Variants in DNAH17 observed in about 807,000 individuals in gnomAD.
DNAH17 encodes the protein axonemal beta dynein heavy chain 17.
A neutral mutation model predicts 485.6 loss-of-function variants in DNAH17; 376 were observed. That is an observed-to-expected ratio of 0.77 (90% CI 0.71 to 0.84). The LOEUF is 0.84. Ranked by LOEUF, DNAH17 falls within the 40% of genes least tolerant of loss-of-function variation. The pLI is 0.00. For missense variants in DNAH17, 6,370 were observed against 5,839.3 expected, an observed-to-expected ratio of 1.09 and a Z score of -2.96; for synonymous variants, 3,031 against 2,405.9, an observed-to-expected ratio of 1.26 and a Z score of -7.60.
intron 14 of DNAH17, among the ~76,000 whole-genome samples, chr17:78,555,729 T>TG (rs1240191846): frequency 6.6e-6 from 1 of 152,098 alleles, no homozygotes; most frequent in Non-Finnish European, 1.5e-5. Context: ...TGCGTGAGGT[T>TG]GTTTCTGGAT....
At chr17:78,497,678 G>A (rs1278299459) in intron 37 of DNAH17, among the ~76,000 whole-genome samples, 1 of 152,184 alleles carries the variant, frequency 6.6e-6, no homozygotes, top group African/African-American at 2.4e-5. Flanking sequence ...CTGGGGCTGG[G>A]GAATGACTGA....
At position 78,455,697 on chromosome 17, in the gene DNAH17, ATTTC is replaced by A. The variant is rs1310521276; in HGVS notation, c.10113_10116del (p.Lys3371AsnfsTer6). The stretch of plus-strand genomic sequence containing the variant: ...AATTTCTCCATCAGCTCATTCCGGT[ATTTC>A]TTGGTGAAGTAGCCCACGTAGGACA... On this transcript the variant is annotated frameshift_variant, in exon 63 of 81. Coordinates refer to ENST00000389840, the MANE Select transcript of DNAH17 (RefSeq NM_173628.4). LOFTEE classifies it high-confidence loss of function. The A allele has an allele frequency of 3.8e-6, 6 of 1,591,662 alleles. No homozygotes were observed. The highest frequency in any genetic ancestry group is 5.1e-6 in the Non-Finnish European group (6 of 1,169,740).
chr17:78,437,248 C>T (rs553078222), intron 74 of DNAH17, among the ~76,000 whole-genome samples: 86 of 152,188 alleles, frequency 5.7e-4, no homozygotes, highest in Non-Finnish European at 1.0e-3. Flanking sequence ...GGGCTCTGTA[C>T]TCCCAGGAAA....
chr17:78,472,640 G>T, intron 54 of DNAH17: 1 of 439,820 alleles, frequency 2.3e-6, no homozygotes, highest in Non-Finnish European at 4.6e-6. Flanking sequence ...GTGGGGTGTG[G>T]GGAGGGGAGC....
At chr17:78,472,701 G>A in intron 54 of DNAH17, 1 of 454,576 alleles carries the variant, frequency 2.2e-6, no homozygotes, top group Non-Finnish European at 4.4e-6. Context: ...GAGTCCCCGA[G>A]GTCACGCACG....
At chr17:78,468,324 C>T (rs969332052) in intron 55 of DNAH17, among the ~76,000 whole-genome samples, 2 of 152,160 alleles carry the variant, frequency 1.3e-5, no homozygotes, top group Non-Finnish European at 2.9e-5. Context: ...CCTTGAGCAT[C>T]CATCCCTCCG....
At chr17:78,566,475 G>A (rs560426474) in intron 11 of DNAH17, 139 bp downstream of exon 11, 2 of 645,200 alleles carry the variant, frequency 3.1e-6, no homozygotes, top group South Asian at 3.9e-5. Flanking sequence ...TGACTCTGAG[G>A]CACAGGAGAC....
intron 48 of DNAH17, among the ~76,000 whole-genome samples, chr17:78,484,528 C>T (rs1318257975): frequency 6.6e-6 from 1 of 151,812 alleles, no homozygotes; most frequent in Non-Finnish European, 1.5e-5. Context: ...TGTGCTTCTT[C>T]CTCTCCCGGC....
chr17:78,463,488 GTATA>G (rs201353507), intron 56 of DNAH17, among the ~76,000 whole-genome samples: 1 of 151,794 alleles, frequency 6.6e-6, no homozygotes, highest in Non-Finnish European at 1.5e-5. Flanking sequence ...TCACATACCT[GTATA>G]TATACACGTG....
At chr17:78,495,541 G>A (rs1235105408) in intron 38 of DNAH17, among the ~76,000 whole-genome samples, 6 of 151,028 alleles carry the variant, frequency 4.0e-5, no homozygotes, top group African/African-American at 9.8e-5. Flanking sequence ...AGGTTCAAGC[G>A]ATTCTCCTGC....
At chr17:78,476,213 C>T (rs908356034) in intron 52 of DNAH17, among the ~76,000 whole-genome samples, 2 of 129,290 alleles carry the variant, frequency 1.5e-5, no homozygotes, top group South Asian at 5.0e-4. Context: ...GACCCACAGC[C>T]ACGTGCCGGA....
intron 49 of DNAH17, among the ~76,000 whole-genome samples, chr17:78,480,084 C>CG (rs1452640559): frequency 7.6e-6 from 1 of 131,012 alleles, no homozygotes; most frequent in Non-Finnish European, 1.6e-5. Context: ...CACGGTGACT[C>CG]CCACCTGTAA....
At chr17:78,484,263 C>CT (rs1490440360) in intron 48 of DNAH17, among the ~76,000 whole-genome samples, 36 of 152,150 alleles carry the variant, frequency 2.4e-4, no homozygotes, top group Admixed American at 2.1e-3. Context: ...CCTGGGCACC[C>CT]TCTGCCTCTG....
chr17:78,495,202 G>C, intron 38 of DNAH17, 105 bp from the exon 39 acceptor site: 6 of 1,379,756 alleles, frequency 4.3e-6, no homozygotes, highest in Non-Finnish European at 5.8e-6. Context: ...CTGCCAGGTA[G>C]ACCACAGCAG....
intron 58 of DNAH17, among the ~76,000 whole-genome samples, chr17:78,461,246 GC>G (rs1464766334): frequency 1.1e-4 from 17 of 152,196 alleles, no homozygotes; most frequent in African/African-American, 2.4e-4. Flanking sequence ...CTGAGCTGGA[GC>G]CCGAGAGCCT....
At chr17:78,528,603 C>T (rs573364629) in intron 22 of DNAH17, among the ~76,000 whole-genome samples, 2 of 151,750 alleles carry the variant, frequency 1.3e-5, no homozygotes, top group African/African-American at 2.4e-5. Context: ...GAGGGGTGGA[C>T]GGGCTGGGAG....
chr17:78,467,247 CTG>C (rs1451601457), intron 55 of DNAH17, among the ~76,000 whole-genome samples: 2 of 152,336 alleles, frequency 1.3e-5, no homozygotes, highest in African/African-American at 4.8e-5. Context: ...GGAGAAGGTG[CTG>C]TGGAGACAGG....
chr17:78,484,748 A>ACCCCCCCCCCCCCCCCCCCCCCCCCCC, intron 48 of DNAH17, 120 bp downstream of exon 48: 1 of 138,458 alleles, frequency 7.2e-6, no homozygotes, highest in Non-Finnish European at 1.1e-5. Context: ...CACCCCCCCC[A>ACCCCCCCCCCCCCCCCCCCCCCCCCCC]CCGCCCCACA....
chr17:78,427,518 G>A (rs12150161), intron 77 of DNAH17, among the ~76,000 whole-genome samples: 17,889 of 152,240 alleles, frequency 0.12, 1,440 homozygotes, highest in Non-Finnish European at 0.18. Context: ...CAGTGCAGTG[G>A]TCACCTGCAC....
Sources: gnomAD v4.1 joint callset for allele counts (sites outside exome capture counted in the v4.1 genomes callset) on GRCh38, gnomAD v4.1.1 for gene constraint, MANE v1.5 for transcripts, NCBI Gene and HGNC (gene_info 2026-07-23, HGNC 2026-07-21) for gene names.